Variants in NPRL3 observed in about 807,000 individuals in gnomAD.
The protein encoded by NPRL3 is NPR3 like, GATOR1 complex subunit.
NPRL3 carries 23 observed loss-of-function variants against 57.2 expected under a neutral mutation model. That is an observed-to-expected ratio of 0.40 (90% CI 0.29 to 0.57). NPRL3 has a LOEUF of 0.57. Ranked by LOEUF, NPRL3 falls within the 20% of genes least tolerant of loss-of-function variation. NPRL3 has a pLI of 0.42. For synonymous variants in NPRL3, 333 were observed against 321.1 expected (o/e 1.04, Z -0.39); for missense variants, 691 against 767.1 (o/e 0.90, Z 1.17).
intron 12 of NPRL3, chr16:89,448 T>G (rs1898660232): frequency 2.2e-6 from 1 of 457,866 alleles, no homozygotes; most frequent in Non-Finnish European, 3.9e-6. Context: ...GGGGCAGAGA[T>G]TCCAGCACTG....
chr16:128,628 C>T (rs1461623656), intron 3 of NPRL3, among the ~76,000 whole-genome samples: 4 of 152,142 alleles, frequency 2.6e-5, no homozygotes, highest in Admixed American at 2.6e-4. Flanking sequence ...ATTAGCCGGG[C>T]GTGGTGGCAG....
intron 5 of NPRL3, 71 bp downstream of exon 5, chr16:117,230 T>C (rs1900082525): frequency 9.1e-7 from 1 of 1,096,418 alleles, no homozygotes; most frequent in African/African-American, 1.6e-5. Context: ...AATGACACGC[T>C]CGTTGGAAAA....
intron 11 of NPRL3, among the ~76,000 whole-genome samples, chr16:91,478 G>A (rs1898762022): frequency 6.6e-6 from 1 of 152,254 alleles, no homozygotes; most frequent in Non-Finnish European, 1.5e-5. Flanking sequence ...CAACCACTCA[G>A]TCATGGCCTG....
chr16:124,395 C>G (rs527314246), intron 3 of NPRL3, among the ~76,000 whole-genome samples: 2 of 150,914 alleles, frequency 1.3e-5, no homozygotes, highest in African/African-American at 4.9e-5. Context: ...GAGACAGGGT[C>G]TCACAATGCT....
chr16:123,151 T>C (rs1900352217), intron 3 of NPRL3, among the ~76,000 whole-genome samples: 1 of 152,146 alleles, frequency 6.6e-6, no homozygotes, highest in South Asian at 2.1e-4. Flanking sequence ...GGCAGTGGAC[T>C]AGGGAGATGA....
chr16:128,417 T>C (rs1321489199), intron 3 of NPRL3, among the ~76,000 whole-genome samples: 1 of 152,196 alleles, frequency 6.6e-6, no homozygotes, highest in Non-Finnish European at 1.5e-5. Flanking sequence ...TTAATACTGT[T>C]TCAGTCTGGT....
At position 133,202 on chromosome 16, in the gene NPRL3, C is replaced by A. The variant is rs117594033; in HGVS notation, c.119-2611G>T. On this transcript the variant is annotated intron_variant, in intron 2 of 13. Transcript: ENST00000611875. ...TACCAGCAACAAACAAAGCTATTTA[C>A]CTTTTTATCATGCATTCACTGTTCT... Among the ~76,000 whole-genome samples the A allele has an allele frequency of 1.9e-4, 29 of 152,262 alleles. No homozygotes were observed. In the East Asian group the frequency reaches 5.4e-3, roughly 28 times the overall value.
rs780432969 is a variant in NPRL3 at position 95,325 on chromosome 16, G to GTATATA, written c.925-2006_925-2001dup. Among the ~76,000 whole-genome samples, 319 of 102,152 alleles carry GTATATA rather than the reference G, an allele frequency of 3.1e-3. 2 individuals carry two copies. The highest frequency in any genetic ancestry group is 0.011 in the African/African-American group (311 of 28,114). 67.0% of individuals were successfully genotyped at this position (102,152 alleles called of 152,430 possible). A position where few individuals can be genotyped will look rare whatever the true frequency, so the allele number is the denominator to read the frequency against. On this transcript the variant is annotated intron_variant, in intron 9 of 13. Coordinates refer to ENST00000611875, the MANE Select transcript of NPRL3 (RefSeq NM_001077350.3). ...AATACAAAATAAAATGTTTGTGTGT[G>GTATATA]TATATATATATATATATATATATAT...
At chr16:116,359 G>T (rs940422932) in intron 5 of NPRL3, among the ~76,000 whole-genome samples, 4 of 152,118 alleles carry the variant, frequency 2.6e-5, no homozygotes, top group Non-Finnish European at 4.4e-5. Flanking sequence ...TTTATATTAT[G>T]TAATTATGTA....
At chr16:135,199 A>G (rs1460578199) in intron 2 of NPRL3, among the ~76,000 whole-genome samples, 2 of 152,234 alleles carry the variant, frequency 1.3e-5, no homozygotes, top group Non-Finnish European at 2.9e-5. Context: ...TGGCCCAATC[A>G]ATCATCATTT....
intron 7 of NPRL3, among the ~76,000 whole-genome samples, chr16:103,333 CAG>C (rs1899391313): frequency 3.0e-5 from 1 of 33,146 alleles, no homozygotes; most frequent in Admixed American, 3.6e-4. Context: ...TTTGTAGAGA[CAG>C]GGTCTATGTT....
In NPRL3 at chr16:94,248, GA is replaced by G. The variant is rs1276423177; in HGVS notation, c.925-924del. Among the ~76,000 whole-genome samples, 227 of 152,164 alleles carry G rather than the reference GA, an allele frequency of 1.5e-3. 3 individuals carry two copies. The highest frequency in any genetic ancestry group is 1.5e-3 in the East Asian group (8 of 5,162). On this transcript the variant is annotated intron_variant, in intron 9 of 13. Coordinates refer to ENST00000611875, the MANE Select transcript of NPRL3 (RefSeq NM_001077350.3). ...AACACAACCCAAACCCCTTCCAGAGGAAAGCTCAGGCCTGAGGTCTGAGAGC... is the reference window on the plus strand; with the variant it reads ...AACACAACCCAAACCCCTTCCAGAGGAAGCTCAGGCCTGAGGTCTGAGAGC...
chr16:134,432 A>C (rs1170997721), intron 2 of NPRL3, among the ~76,000 whole-genome samples: 1 of 152,172 alleles, frequency 6.6e-6, no homozygotes, highest in African/African-American at 2.4e-5. Flanking sequence ...TGGAAAAGCT[A>C]ATAAGGGAGA....
intron 5 of NPRL3, among the ~76,000 whole-genome samples, chr16:113,732 C>A (rs1248726189): frequency 2.0e-5 from 3 of 152,212 alleles, no homozygotes; most frequent in African/African-American, 4.8e-5. Context: ...CTGGTGCTGC[C>A]TCCCCCTCCT....
rs975064341 is a variant in NPRL3 at position 89,538 on chromosome 16, C to T, written c.1351+175G>A. ...AGACAGAGCTGCCACCTCAGAGTCA[C>T]GGTGGTGCTAGGAGACAGGAGAGGT... On this transcript the variant is annotated intron_variant, in intron 12 of 13. Coordinates refer to ENST00000611875, the MANE Select transcript of NPRL3 (RefSeq NM_001077350.3). The T allele has an allele frequency of 1.0e-5, 6 of 578,226 alleles. No individual in the cohort carries two copies. The South Asian group carries it at 1.1e-4, about 10-fold the overall frequency. 35.8% of individuals were successfully genotyped at this position (578,226 alleles called of 1,614,324 possible).
At chr16:92,561 T>C (rs772520073) in intron 11 of NPRL3, 35 bp downstream of exon 11, 3 of 1,607,302 alleles carry the variant, frequency 1.9e-6, no homozygotes, top group South Asian at 1.1e-5. Context: ...ACTACACACC[T>C]GCCACTCTGG....
At chr16:131,184 A>G (rs558539668) in intron 2 of NPRL3, among the ~76,000 whole-genome samples, 23 of 152,244 alleles carry the variant, frequency 1.5e-4, no homozygotes, top group African/African-American at 5.5e-4. Flanking sequence ...AAAATACAAA[A>G]ATTAGCCGGG....
Position 89,733 on chromosome 16 carries a change from G to C in NPRL3, c.1331C>G (p.Ala444Gly). Residue 444 changes from alanine to glycine, a missense_variant, in exon 12 of 14, where the codon GCC becomes GGC. Physicochemically the swap from Ala to Gly is moderately conservative, Grantham distance 60. Transcript: ENST00000611875. ...VGGRSLSTPN[A>G]LSFGSPTSSD... is the part of the protein sequence containing the mutation. ...CCTACTTGGGGAGCCAAAGCTGAGGGCGTTGGGCGTGCTGAGGCTGCGACC... is the reference window on the plus strand; with the variant it reads ...CCTACTTGGGGAGCCAAAGCTGAGGCCGTTGGGCGTGCTGAGGCTGCGACC... The C allele has an allele frequency of 6.3e-7, 1 of 1,589,684 alleles. No homozygotes were observed. Among genetic ancestry groups the C allele is most frequent in the South Asian group, 1.1e-5 (1 of 88,894 alleles).
intron 12 of NPRL3, 40 bp downstream of exon 12, chr16:89,673 G>A (rs532819283): frequency 4.3e-5 from 63 of 1,462,616 alleles, no homozygotes; most frequent in Middle Eastern, 4.8e-4. Context: ...ACCCCCAAGC[G>A]TCTCCCCTGA....
Sources: gnomAD v4.1 joint callset for allele counts (sites outside exome capture counted in the v4.1 genomes callset) on GRCh38, gnomAD v4.1.1 for gene constraint, MANE v1.5 for transcripts, NCBI Gene and HGNC (gene_info 2026-07-23, HGNC 2026-07-21) for gene names.